MBOAT2: variants seen among roughly 807,000 people sequenced by gnomAD.
MBOAT2 encodes the protein membrane bound glycerophospholipid O-acyltransferase 2.
In MBOAT2, 28 loss-of-function variants were observed where a neutral mutation model predicts 63.4. The observed-to-expected ratio is 0.44, with a 90% CI of 0.33 to 0.61. The LOEUF is 0.61. MBOAT2 is among the 20% of genes least tolerant of loss of function. The pLI is 0.03. For missense variants in MBOAT2, 470 were observed against 605.8 expected, an observed-to-expected ratio of 0.78 and a Z score of 2.35; for synonymous variants, 211 against 215.6, an observed-to-expected ratio of 0.98 and a Z score of 0.19.
In MBOAT2 at chr2:8,923,269, G is replaced by T. The variant is rs1425918537; in HGVS notation, c.300-14553C>A. On this transcript the variant is annotated intron_variant, in intron 3 of 12. Transcript: ENST00000305997. ...CTGTTTCAGAGTCATGTAACCAGGG[G>T]TTGCAAGATTTATAACTTTCTCAAC... 2.0e-5 allele frequency among the ~76,000 whole-genome samples: 3 copies of T among 152,116 alleles called. No individual in the cohort carries two copies. In the East Asian group the frequency reaches 5.8e-4, roughly 29 times the overall value.
In MBOAT2 at chr2:8,912,373, G is replaced by GAGAAAGAAAGAAAGAAAGAA. The variant is rs139345161; in HGVS notation, c.300-3677_300-3658dup. Among the ~76,000 whole-genome samples, 367 of 84,350 alleles carry GAGAAAGAAAGAAAGAAAGAA rather than the reference G, an allele frequency of 4.4e-3. 2 individuals carry two copies. The highest frequency in any genetic ancestry group is 6.9e-3 in the Non-Finnish European group (281 of 40,686). The allele number at this position is 84,350 out of a possible 152,430, so 55.3% of individuals were successfully genotyped here. A position where few individuals can be genotyped will look rare whatever the true frequency, so the allele number is the denominator to read the frequency against. ...AAAGAGAAAGAAAGAAAGAAAGAAA[G>GAGAAAGAAAGAAAGAAAGAA]AGAAAGAAAGAAAGAAAGAAAGAAA... On this transcript the variant is annotated intron_variant, in intron 3 of 12. Coordinates refer to ENST00000305997, the MANE Select transcript of MBOAT2 (RefSeq NM_138799.4).
chr2:8,882,406 AAGT>A, intron 6 of MBOAT2, 102 bp downstream of exon 6: 1 of 1,113,790 alleles, frequency 9.0e-7, no homozygotes, highest in Non-Finnish European at 1.3e-6. Context: ...TGATTTTCAG[AAGT>A]AAGTACCTCT....
At position 8,862,428 on chromosome 2, in the gene MBOAT2, C is replaced by T. The variant is rs577423644; in HGVS notation, c.1185+162G>A. The T allele has an allele frequency of 3.4e-5, 45 of 1,311,446 alleles. No homozygotes were observed. The highest frequency in any genetic ancestry group is 5.9e-5 in the African/African-American group (4 of 67,904). The allele number at this position is 1,311,446 out of a possible 1,614,324, so 81.2% of individuals were successfully genotyped here. On this transcript the variant is annotated intron_variant, in intron 11 of 12. Transcript: ENST00000305997. This position sits in a 1 kb window ranked among gnomAD's most constrained non-coding sequence, Gnocchi z 4.3. ...GGCATGGAGCCTAGCCCGTGGTGAG[C>T]GCTCAGCAAACATGCACGCAGTACA...
intron 1 of MBOAT2, among the ~76,000 whole-genome samples, chr2:9,002,538 A>AT (rs1558703509): frequency 6.6e-6 from 1 of 152,216 alleles, no homozygotes; most frequent in Non-Finnish European, 1.5e-5. Flanking sequence ...TACACTTGAA[A>AT]TAACTGTAAG....
rs181421096 is a variant in MBOAT2, at chr2:8,880,713, T to G, written c.506+1798A>C. Among the ~76,000 whole-genome samples, 86 of 151,756 alleles carry G rather than the reference T, an allele frequency of 5.7e-4. 1 individual carries two copies. Among genetic ancestry groups the G allele is most frequent in the African/African-American group, 2.0e-3 (84 of 41,340 alleles). On this transcript the variant is annotated intron_variant, in intron 6 of 12. Coordinates refer to ENST00000305997, the MANE Select transcript of MBOAT2 (RefSeq NM_138799.4). ...AGAAGAGACAGAGAGAAAGAGCCAG[T>G]GAAGGAGGAGAAAAATTGAAAGAAG...
chr2:8,862,991 G>A lies in MBOAT2; in HGVS notation c.1053-269C>T, dbSNP rs1414805983. Among the ~76,000 whole-genome samples the A allele has an allele frequency of 6.6e-6, 1 of 151,948 alleles. No individual in the cohort carries two copies. Among genetic ancestry groups the A allele is most frequent in the African/African-American group, 2.4e-5 (1 of 41,316 alleles). On this transcript the variant is annotated intron_variant, in intron 10 of 12. Transcript: ENST00000305997. The surrounding 1 kb of genome is among the most constrained non-coding windows in gnomAD (Gnocchi z 4.3). The stretch of plus-strand genomic sequence containing the variant: ...ATAGTAACTTAAATGATCATTTCTA[G>A]TATTTGGGAGTCTATACAATTTACA...
At position 8,987,778 on chromosome 2, in the gene MBOAT2, T is replaced by C. The variant is rs780904605; in HGVS notation, c.75+15762A>G. 7.2e-5 allele frequency among the ~76,000 whole-genome samples: 11 copies of C among 152,280 alleles called. No homozygotes were observed. In the South Asian group the frequency reaches 1.7e-3, roughly 23 times the overall value. ...ACGTGGTGGCTGCGTTACAAAAATT[T>C]TATGTTCAGTATGAGCCCAATTTTG... is the stretch of plus-strand genomic sequence containing the variant. On this transcript the variant is annotated intron_variant, in intron 1 of 12. Coordinates refer to ENST00000305997, the MANE Select transcript of MBOAT2 (RefSeq NM_138799.4).
chr2:8,987,741 G>A (rs1332748275), intron 1 of MBOAT2, among the ~76,000 whole-genome samples: 1 of 152,064 alleles, frequency 6.6e-6, no homozygotes, highest in Non-Finnish European at 1.5e-5. Context: ...ATATGCCCTG[G>A]GATTCCTCAC....
chr2:8,895,699 C>T (rs1214897097), intron 4 of MBOAT2, among the ~76,000 whole-genome samples: 1 of 152,204 alleles, frequency 6.6e-6, no homozygotes, highest in Non-Finnish European at 1.5e-5. Flanking sequence ...TAGCTACTTC[C>T]TGCTGGATAG....
chr2:8,866,000 G>A lies in MBOAT2; in HGVS notation c.988-1766C>T, dbSNP rs143609290. On this transcript the variant is annotated intron_variant, in intron 9 of 12. Transcript: ENST00000305997. Reference sequence around the variant, plus strand: ...TGCAGTGAACCGAAATCGCGCCACCGCACTCCAGCCTGGGCAACAGAGCGA... The same window carrying A: ...TGCAGTGAACCGAAATCGCGCCACCACACTCCAGCCTGGGCAACAGAGCGA... 3.2e-3 allele frequency among the ~76,000 whole-genome samples: 480 copies of A among 152,208 alleles called. 5 individuals carry two copies. Among genetic ancestry groups the A allele is most frequent in the African/African-American group, 0.011 (460 of 41,512 alleles).
chr2:8,954,335 G>A (rs1418871268), intron 2 of MBOAT2, among the ~76,000 whole-genome samples: 2 of 152,102 alleles, frequency 1.3e-5, no homozygotes, highest in Non-Finnish European at 2.9e-5. Context: ...GCTCTCTATT[G>A]CCTCAGGCAA....
intron 3 of MBOAT2, among the ~76,000 whole-genome samples, chr2:8,923,672 T>C (rs1305290520): frequency 1.3e-5 from 2 of 152,180 alleles, no homozygotes; most frequent in Non-Finnish European, 2.9e-5. Flanking sequence ...GACACCCTGG[T>C]AGCATTACTT....
chr2:8,940,115 A>G (rs954668767), intron 3 of MBOAT2, among the ~76,000 whole-genome samples: 1 of 152,012 alleles, frequency 6.6e-6, no homozygotes, highest in African/African-American at 2.4e-5. Context: ...CCTCTCAAGC[A>G]GTAAAACTGC....
intron 7 of MBOAT2, among the ~76,000 whole-genome samples, chr2:8,873,620 T>TA (rs5829193): frequency 0.14 from 20,644 of 152,176 alleles, 2,011 homozygotes; most frequent in African/African-American, 0.28. Flanking sequence ...GAAGTGAATA[T>TA]AAAAAATTAA....
chr2:8,899,255 T>C (rs528767558), intron 4 of MBOAT2, among the ~76,000 whole-genome samples: 3 of 152,294 alleles, frequency 2.0e-5, no homozygotes, highest in African/African-American at 4.8e-5. Flanking sequence ...TTGGCTAATA[T>C]ATCCCTCCCT....
chr2:8,938,602 C>T (rs1178941712), intron 3 of MBOAT2, among the ~76,000 whole-genome samples: 1 of 151,978 alleles, frequency 6.6e-6, no homozygotes. Context: ...TTCATGCCAC[C>T]GTGTTTCATG....
intron 7 of MBOAT2, among the ~76,000 whole-genome samples, chr2:8,875,773 C>G (rs868798096): frequency 2.0e-5 from 3 of 152,182 alleles, no homozygotes; most frequent in African/African-American, 7.2e-5. Flanking sequence ...ACAAAACAGT[C>G]AGTGAAGAGA....
At chr2:8,952,878 T>TG (rs1668943811) in intron 2 of MBOAT2, among the ~76,000 whole-genome samples, 1 of 152,146 alleles carries the variant, frequency 6.6e-6, no homozygotes, top group African/African-American at 2.4e-5. Flanking sequence ...ATGTGTGAGA[T>TG]GGGGCTCTTG....
chr2:8,858,968 C>G, intron 12 of MBOAT2, 64 bp from the exon 13 acceptor site: 2 of 1,222,120 alleles, frequency 1.6e-6, no homozygotes, highest in Non-Finnish European at 2.3e-6. Context: ...TAACTGCACA[C>G]TTGTCAAAAT....
Sources: allele counts gnomAD v4.1 joint callset (sites outside exome capture counted in the v4.1 genomes callset), GRCh38; gene constraint gnomAD v4.1.1; non-coding constraint Gnocchi (gnomAD v3.1); transcripts MANE v1.5; gene names NCBI Gene and HGNC (gene_info 2026-07-23, HGNC 2026-07-21).